The following SLTM variants were observed in gnomAD, a reference collection of about 807,000 sequenced individuals.
SLTM encodes SAFB like transcription modulator, also known as SAFB-like transcription modulator.
In SLTM, 43 loss-of-function variants were observed where a neutral mutation model predicts 134.6. The ratio of observed to expected loss-of-function variants is 0.32; its 90% confidence interval spans 0.25 to 0.41. The LOEUF (loss-of-function observed/expected upper bound fraction) is 0.41. Among genes scored for constraint, SLTM ranks in the 10% least tolerant of loss-of-function variants. SLTM has a pLI of 1.00. For missense variants in SLTM, 1,055 were observed against 1,288.8 expected (o/e 0.82, Z 2.78); for synonymous variants, 424 against 432.3 (o/e 0.98, Z 0.24).
intron 5 of SLTM, among the ~76,000 whole-genome samples, chr15:58,907,619 T>TCAA (rs71812823): frequency 3.5e-3 from 527 of 151,688 alleles, no homozygotes; most frequent in Middle Eastern, 6.8e-3. Context: ...AGACCAGGTC[T>TCAA]CAACAACAAC....
intron 2 of SLTM, among the ~76,000 whole-genome samples, chr15:58,931,469 T>C (rs2037874559): frequency 1.3e-5 from 2 of 152,204 alleles, no homozygotes; most frequent in Non-Finnish European, 2.9e-5. Flanking sequence ...CTTGGATCAC[T>C]TAAAGCAGTA....
chr15:58,921,439 G>C (rs1161624837), intron 2 of SLTM: 2 of 184,908 alleles, frequency 1.1e-5, no homozygotes, highest in African/African-American at 2.4e-5. Flanking sequence ...TAAAATGTGA[G>C]ACTCACTTGC....
At chr15:58,926,438 A>AATGTGCTTTATGTGGTTGATTACTAT (rs2037473390) in intron 2 of SLTM, among the ~76,000 whole-genome samples, 1 of 152,294 alleles carries the variant, frequency 6.6e-6, no homozygotes, top group Non-Finnish European at 1.5e-5. Flanking sequence ...TGTAATATGA[A>AATGTGCTTTATGTGGTTGATTACTAT]ATGTGCTTTA....
chr15:58,930,854 G>C (rs2037830036), intron 2 of SLTM, among the ~76,000 whole-genome samples: 1 of 151,384 alleles, frequency 6.6e-6, no homozygotes, highest in African/African-American at 2.4e-5. Context: ...AATAATAAGA[G>C]ATAAATGATG....
chr15:58,907,479 GGGTGT>G (rs1210275051), intron 5 of SLTM, among the ~76,000 whole-genome samples: 2 of 152,054 alleles, frequency 1.3e-5, no homozygotes, highest in Non-Finnish European at 2.9e-5. Context: ...AAAGTCAGAC[GGGTGT>G]GGTGGCGCAC....
At chr15:58,898,118 A>G (rs1322855365) in intron 8 of SLTM, 1 of 152,174 alleles carries the variant, frequency 6.6e-6, no homozygotes, top group Non-Finnish European at 1.5e-5. Context: ...CATCCTTATG[A>G]TTTCTAACGA....
At chr15:58,929,107 G>A (rs1381314885) in intron 2 of SLTM, among the ~76,000 whole-genome samples, 2 of 152,158 alleles carry the variant, frequency 1.3e-5, no homozygotes, top group Non-Finnish European at 2.9e-5. Context: ...TTTCAATGTA[G>A]ATACCAGTAA....
intron 20 of SLTM, among the ~76,000 whole-genome samples, chr15:58,880,486 C>T (rs2033606710): frequency 6.6e-6 from 1 of 152,152 alleles, no homozygotes; most frequent in Non-Finnish European, 1.5e-5. Flanking sequence ...ATTCTCACCC[C>T]CATCTCAGAC....
In SLTM at chr15:58,899,097, A is replaced by G; in HGVS notation, c.1059-245T>C. 2.2e-6 allele frequency: 1 copy of G among 449,124 alleles called. No homozygotes were observed. The highest frequency in any genetic ancestry group is 3.9e-6 in the Non-Finnish European group (1 of 255,174). 27.8% of individuals were successfully genotyped at this position (449,124 alleles called of 1,614,324 possible). ...CAGTGGAAATATGGCCATCTTCTCC[A>G]GATTTCAGGACTGGGACTTGACTTC... On this transcript the variant is annotated intron_variant, in intron 7 of 20. Transcript: ENST00000380516. This position sits in a 1 kb window ranked among gnomAD's most constrained non-coding sequence, Gnocchi z 5.0.
At chr15:58,884,754 C>G (rs1340335305) in intron 19 of SLTM, among the ~76,000 whole-genome samples, 1 of 152,104 alleles carries the variant, frequency 6.6e-6, no homozygotes, top group Non-Finnish European at 1.5e-5. Context: ...GCTTCAGCCT[C>G]CTGCCTAGCT....
At chr15:58,887,630 T>A in intron 17 of SLTM, 90 bp from the exon 18 acceptor site, 3 of 1,505,554 alleles carry the variant, frequency 2.0e-6, no homozygotes, top group African/African-American at 1.4e-5. Flanking sequence ...CCTACAATAA[T>A]GAAACCAAAA....
chr15:58,912,519 G>T (rs371472587), intron 5 of SLTM, 44 bp downstream of exon 5: 12 of 1,507,122 alleles, frequency 8.0e-6, no homozygotes, highest in Non-Finnish European at 3.7e-6. Flanking sequence ...TTCCAAGCCC[G>T]TCCACCCACA....
chr15:58,904,655 T>C (rs2035746231), intron 5 of SLTM, among the ~76,000 whole-genome samples: 1 of 151,552 alleles, frequency 6.6e-6, no homozygotes, highest in Non-Finnish European at 1.5e-5. Flanking sequence ...CCAGGGATTC[T>C]CATGCCTCAG....
chr15:58,916,928 A>C lies in SLTM; in HGVS notation c.315+7T>G. On this transcript the variant is annotated splice_region_variant and intron_variant, in intron 3 of 20. Transcript: ENST00000380516. ...AAGCATCTTAACCTGAGTAATTAACACTTTACCTTGATAAAAGCATCATCT... is the reference window on the plus strand; with the variant it reads ...AAGCATCTTAACCTGAGTAATTAACCCTTTACCTTGATAAAAGCATCATCT... 6.2e-7 allele frequency: 1 copy of C among 1,612,598 alleles called. No homozygotes were observed.
In SLTM at chr15:58,901,251, CA is replaced by C. The variant is rs1389238569; in HGVS notation, c.589+8del. On this transcript the variant is annotated splice_region_variant and intron_variant, in intron 6 of 20. Transcript: ENST00000380516. Reference sequence around the variant, plus strand: ...TTTAGCAATTTTTAAGCTCTAGCATCAAACATACCTTTCTCATTTTCTTCTT... The same window carrying C: ...TTTAGCAATTTTTAAGCTCTAGCATCAACATACCTTTCTCATTTTCTTCTT... The C allele has an allele frequency of 3.6e-5, 58 of 1,601,986 alleles. No homozygotes were observed. Among genetic ancestry groups the C allele is most frequent in the Non-Finnish European group, 4.7e-5 (55 of 1,175,084 alleles).
rs765153616 is a variant in SLTM at position 58,883,736 on chromosome 15, G to A, written c.2886C>T (p.Ser962=). 16 of 1,613,940 alleles carry A rather than the reference G, an allele frequency of 9.9e-6. No homozygotes were observed. Among genetic ancestry groups the A allele is most frequent in the Admixed American group, 6.7e-5 (4 of 59,976 alleles). Residue 962 remains serine, a synonymous_variant, in exon 20 of 21, where the codon AGC becomes AGT. Coordinates refer to ENST00000380516, the MANE Select transcript of SLTM (RefSeq NM_024755.4). ...HVVERHGRDT[S]GPRKEWHGPP... ...GACCATGCCACTCTTTCCTTGGTCC[G>A]CTTGTGTCCCGTCCATGGCGTTCAA... is the stretch of plus-strand genomic sequence containing the variant.
Position 58,883,638 on chromosome 15 carries a change from G to A in SLTM, c.2984C>T (p.Thr995Ile), listed in dbSNP as rs1401179342. Residue 995 changes from threonine to isoleucine, a missense_variant, in exon 20 of 21, where the codon ACC becomes ATC. By Grantham distance (89) the Thr-to-Ile change is moderately conservative (BLOSUM62 -1). Coordinates refer to ENST00000380516, the MANE Select transcript of SLTM (RefSeq NM_024755.4). ...GTTAGTTATTTACCTTGAATGTTGGGTTATCATGCCTGCTCCTGCCCGGCC... is the reference window on the plus strand; with the variant it reads ...GTTAGTTATTTACCTTGAATGTTGGATTATCATGCCTGCTCCTGCCCGGCC... ...GDGRAGAGMITQHSSNASPIN... is the reference protein window; with the variant it reads ...GDGRAGAGMIIQHSSNASPIN... 2 of 1,614,074 alleles carry A rather than the reference G, an allele frequency of 1.2e-6. No individual in the cohort carries two copies. Among genetic ancestry groups the A allele is most frequent in the East Asian group, 4.5e-5 (2 of 44,870 alleles).
intron 13 of SLTM, 87 bp downstream of exon 13, chr15:58,893,192 G>A (rs2034800130): frequency 1.4e-6 from 2 of 1,414,410 alleles, no homozygotes; most frequent in South Asian, 2.5e-5. Context: ...TAGCATGCAA[G>A]TACGCAAAGA....
chr15:58,893,658 G>A (rs1256112497), intron 12 of SLTM, among the ~76,000 whole-genome samples, 163 bp downstream of exon 12: 1 of 152,156 alleles, frequency 6.6e-6, no homozygotes, highest in Non-Finnish European at 1.5e-5. Flanking sequence ...TGTTTCCCCA[G>A]AGTAGAAAAG....
Sources: allele counts gnomAD v4.1 joint callset (sites outside exome capture counted in the v4.1 genomes callset), GRCh38; gene constraint gnomAD v4.1.1; non-coding constraint Gnocchi (gnomAD v3.1); transcripts MANE v1.5; gene names NCBI Gene and HGNC (gene_info 2026-07-23, HGNC 2026-07-21).